The following STK3 variants were observed in gnomAD, a reference collection of about 807,000 sequenced individuals.
STK3 encodes serine/threonine-protein kinase 3.
Under a neutral mutation model 58.0 loss-of-function variants are expected in STK3, and 41 were observed. The observed-to-expected ratio is 0.71, with a 90% CI of 0.55 to 0.92. The LOEUF is 0.92. Ranked by LOEUF, STK3 falls within the 40% of genes least tolerant of loss-of-function variation. The pLI is 0.00. For synonymous variants in STK3, 170 were observed against 191.0 expected (o/e 0.89, Z 0.91); for missense variants, 479 against 602.7 (o/e 0.79, Z 2.15).
chr8:98,426,576 T>C (rs1377631203), intron 3 of STK3, among the ~76,000 whole-genome samples: 2 of 150,936 alleles, frequency 1.3e-5, no homozygotes, highest in African/African-American at 4.9e-5. Flanking sequence ...CCCCTCCAGC[T>C]CCTGTTCCCC....
chr8:98,464,063 C>T (rs531262919), intron 10 of STK3, among the ~76,000 whole-genome samples: 1 of 152,268 alleles, frequency 6.6e-6, no homozygotes, highest in East Asian at 1.9e-4. Flanking sequence ...GCAGATGCTA[C>T]AGACCTTATT....
At chr8:98,842,759 G>A (rs1836044846) in intron 3 of STK3, among the ~76,000 whole-genome samples, 1 of 152,078 alleles carries the variant, frequency 6.6e-6, no homozygotes, top group African/African-American at 2.4e-5. Flanking sequence ...CTCAGCACTT[G>A]GTAGGCCGAG....
At chr8:98,899,675 A>T (rs1320025832) in intron 1 of STK3, among the ~76,000 whole-genome samples, 1 of 152,140 alleles carries the variant, frequency 6.6e-6, no homozygotes, top group Non-Finnish European at 1.5e-5. Flanking sequence ...GCTGGGGGAT[A>T]ACTGTACTTT....
chr8:98,405,824 G>A (rs1237138335), intron 3 of STK3, among the ~76,000 whole-genome samples: 1 of 152,112 alleles, frequency 6.6e-6, no homozygotes, highest in Non-Finnish European at 1.5e-5. Flanking sequence ...GCTTGTGCAG[G>A]GGAACTGCTC....
At chr8:98,397,030 G>A (rs978693518), downstream of STK3, among the ~76,000 whole-genome samples, 7 of 152,146 alleles carry the variant, frequency 4.6e-5, no homozygotes, top group African/African-American at 1.7e-4. Flanking sequence ...ACTAATTACC[G>A]AAGGTCAAAT....
chr8:98,895,037 A>G (rs569966440), intron 1 of STK3, among the ~76,000 whole-genome samples: 1 of 152,328 alleles, frequency 6.6e-6, no homozygotes, highest in East Asian at 1.9e-4. Context: ...AAATATAAAT[A>G]ATAGAAGTAG....
intron 1 of STK3, among the ~76,000 whole-genome samples, chr8:98,795,129 T>TATATATAC (rs1288218080): frequency 7.2e-4 from 69 of 95,928 alleles, no homozygotes; most frequent in African/African-American, 2.8e-3. Flanking sequence ...TATATATATA[T>TATATATAC]ACATACTAGT....
At chr8:98,628,934 T>G (rs1338939489) in intron 6 of STK3, among the ~76,000 whole-genome samples, 7 of 151,952 alleles carry the variant, frequency 4.6e-5, no homozygotes, top group Non-Finnish European at 1.0e-4. Context: ...TCATCTTGTT[T>G]GGCAGGAAAA....
the STK3 span, among the ~76,000 whole-genome samples, chr8:98,357,229 G>A: frequency 6.6e-6 from 1 of 152,092 alleles, no homozygotes; most frequent in East Asian, 1.9e-4. Context: ...TGCAAATTGG[G>A]TCTCCAGACT....
In STK3 at chr8:98,767,318, G is replaced by C. The variant is rs756129319; in HGVS notation, c.161C>G (p.Ala54Gly). Residue 54 changes from alanine (A) to glycine (G), a missense_variant, in exon 3 of 11, where the codon GCA (alanine) becomes GGA (glycine). Around this residue, in one of 3 missense-constraint regions of STK3, gnomAD observed 126 missense variants for 210.1 expected, o/e 0.60. Transcript: ENST00000419617. ...AIHKESGQVVAIKQVPVESDL... is the reference protein window; with the variant it reads ...AIHKESGQVVGIKQVPVESDL... ...TGATTCAACAGGTACTTGTTTAATTGCGACAACTTGACCGGATTCCTTGTG... is the reference window on the plus strand; with the variant it reads ...TGATTCAACAGGTACTTGTTTAATTCCGACAACTTGACCGGATTCCTTGTG... 5.0e-6 allele frequency: 8 copies of C among 1,611,274 alleles called. No homozygotes were observed. Among genetic ancestry groups the C allele is most frequent in the Non-Finnish European group, 6.8e-6 (8 of 1,179,346 alleles).
chr8:98,376,536 A>T (rs960463599), intron 2 of STK3, among the ~76,000 whole-genome samples: 4 of 152,164 alleles, frequency 2.6e-5, no homozygotes, highest in Admixed American at 2.0e-4. Context: ...CCTTCTCAAA[A>T]TTTTTTAGTT....
At chr8:98,498,505 A>G (rs1823322295) in intron 10 of STK3, among the ~76,000 whole-genome samples, 1 of 152,178 alleles carries the variant, frequency 6.6e-6, no homozygotes, top group East Asian at 1.9e-4. Flanking sequence ...TGTCCATAAG[A>G]TAAGTCACTA....
rs547688940 is a variant in STK3, at chr8:98,866,594, C to T, written c.110+17053G>A. On this transcript the variant is annotated intron_variant, in intron 3 of 12. Transcript: ENST00000523601. ...TGGAAAGAGTTTATTGAATACGTACCGTGTGTCAGATGTTCTCTATACATT... is the reference window on the plus strand; with the variant it reads ...TGGAAAGAGTTTATTGAATACGTACTGTGTGTCAGATGTTCTCTATACATT... Among the ~76,000 whole-genome samples the T allele has an allele frequency of 2.6e-5, 4 of 152,234 alleles. No homozygotes were observed. In the South Asian group the frequency reaches 6.2e-4, roughly 24 times the overall value.
chr8:98,583,476 A>G (rs1371589840), intron 7 of STK3, among the ~76,000 whole-genome samples: 1 of 151,636 alleles, frequency 6.6e-6, no homozygotes, highest in African/African-American at 2.4e-5. Context: ...CTGAAGATTG[A>G]AAGTTAACAG....
At chr8:98,726,360 A>G (rs1412093138) in intron 4 of STK3, among the ~76,000 whole-genome samples, 1 of 152,236 alleles carries the variant, frequency 6.6e-6, no homozygotes, top group African/African-American at 2.4e-5. Context: ...TTATAATTCA[A>G]TCAAAAGATT....
At chr8:98,505,159 C>T (rs1330885498) in intron 10 of STK3, among the ~76,000 whole-genome samples, 3 of 152,128 alleles carry the variant, frequency 2.0e-5, no homozygotes, top group African/African-American at 4.8e-5. Context: ...GTCACTGATA[C>T]CCTTTCTTCC....
At position 98,413,609 on chromosome 8, in the gene STK3, G is replaced by T. The variant is rs191188108; in HGVS notation, n.484-12096C>A. 2.1e-5 allele frequency: 15 copies of T among 706,216 alleles called. No homozygotes were observed. The East Asian group carries it at 4.3e-4, about 20-fold the overall frequency. 43.7% of individuals were successfully genotyped at this position (706,216 alleles called of 1,614,324 possible). ...TGTTGAGAGTTGTTTCAATTTGTTG[G>T]ATACAAAGACAAAGGTCTGCCAGTT... On this transcript the variant is annotated intron_variant and non_coding_transcript_variant, in intron 3 of 3. Transcript: ENST00000517832.
chr8:98,931,712 G>A (rs1213807731), intron 1 of STK3, among the ~76,000 whole-genome samples: 1 of 152,104 alleles, frequency 6.6e-6, no homozygotes, highest in Non-Finnish European at 1.5e-5. Flanking sequence ...AAGGAGCCCT[G>A]TCAGAACAAA....
intron 3 of STK3, among the ~76,000 whole-genome samples, chr8:98,833,558 T>C (rs1835625277): frequency 6.6e-6 from 1 of 152,070 alleles, no homozygotes; most frequent in African/African-American, 2.4e-5. Flanking sequence ...CAAAGAAATA[T>C]ATTTGGGGGT....
Sources: allele counts gnomAD v4.1 joint callset (sites outside exome capture counted in the v4.1 genomes callset), GRCh38; gene constraint gnomAD v4.1.1; regional missense constraint gnomAD v4.1.1; transcripts MANE v1.5; gene names NCBI Gene and HGNC (gene_info 2026-07-23, HGNC 2026-07-21).